STAG1: variants seen among roughly 807,000 people sequenced by gnomAD.
The protein encoded by STAG1 is STAG1 cohesin complex component, also known as cohesin subunit SA-1.
In STAG1, 26 loss-of-function variants were observed where a neutral mutation model predicts 170.9. The observed-to-expected ratio is 0.15, with a 90% CI of 0.11 to 0.21. The LOEUF (loss-of-function observed/expected upper bound fraction) is 0.21. STAG1 is among the 10% of genes least tolerant of loss of function. The pLI, the probability that STAG1 is intolerant of heterozygous loss-of-function variation, is 1.00. For missense variants in STAG1, 964 were observed against 1,509.5 expected, an observed-to-expected ratio of 0.64 and a Z score of 5.99; for synonymous variants, 514 against 497.7, an observed-to-expected ratio of 1.03 and a Z score of -0.44.
chr3:136,732,844 G>A (rs1215343511), intron 1 of STAG1, among the ~76,000 whole-genome samples: 2 of 152,046 alleles, frequency 1.3e-5, no homozygotes, highest in African/African-American at 2.4e-5. Flanking sequence ...TCCTGACCTC[G>A]TGAGCCACCC....
intron 13 of STAG1, among the ~76,000 whole-genome samples, chr3:136,464,245 G>A (rs1443968889): frequency 6.6e-6 from 1 of 151,818 alleles, no homozygotes; most frequent in African/African-American, 2.4e-5. Flanking sequence ...CCAACATGGA[G>A]AAACCCTGTC....
intron 25 of STAG1, among the ~76,000 whole-genome samples, chr3:136,364,014 C>A (rs1206920537): frequency 1.3e-5 from 2 of 152,158 alleles, no homozygotes; most frequent in African/African-American, 4.8e-5. Flanking sequence ...CCCACCTCAG[C>A]CTCCCAAAAT....
At chr3:136,559,991 T>C (rs1936776527) in intron 5 of STAG1, among the ~76,000 whole-genome samples, 1 of 152,198 alleles carries the variant, frequency 6.6e-6, no homozygotes, top group Non-Finnish European at 1.5e-5. Context: ...AGTTTGGACA[T>C]AACAACTTCC....
intron 1 of STAG1, among the ~76,000 whole-genome samples, chr3:136,633,963 A>T (rs1210543537): frequency 1.4e-4 from 5 of 35,240 alleles, no homozygotes; most frequent in African/African-American, 6.7e-4. Context: ...GTCTCTACTT[A>T]AAAAAAAAAA....
At chr3:136,356,178 C>CTT (rs1560054308) in intron 28 of STAG1, among the ~76,000 whole-genome samples, 1 of 151,944 alleles carries the variant, frequency 6.6e-6, no homozygotes, top group African/African-American at 2.4e-5. Flanking sequence ...GTCGGAACCA[C>CTT]TGAGCCTGGC....
chr3:136,572,429 C>T (rs972224440), intron 4 of STAG1, among the ~76,000 whole-genome samples: 3 of 151,264 alleles, frequency 2.0e-5, no homozygotes, highest in Non-Finnish European at 4.4e-5. Context: ...CCCGCCTCTA[C>T]CAAAAATCCA....
chr3:136,663,846 T>C (rs1415909032), intron 1 of STAG1, among the ~76,000 whole-genome samples: 2 of 151,962 alleles, frequency 1.3e-5, no homozygotes, highest in African/African-American at 2.4e-5. Context: ...GGGTGATACC[T>C]AGAAAATATA....
At chr3:136,409,885 C>T (rs1447327570) in intron 21 of STAG1, among the ~76,000 whole-genome samples, 1 of 151,956 alleles carries the variant, frequency 6.6e-6, no homozygotes, top group African/African-American at 2.4e-5. Context: ...TCCAGACCAG[C>T]CTGGGCAACA....
At chr3:136,649,872 A>G (rs1252093315) in intron 1 of STAG1, among the ~76,000 whole-genome samples, 4 of 151,926 alleles carry the variant, frequency 2.6e-5, no homozygotes, top group Admixed American at 6.6e-5. Context: ...GGTTCAAGCA[A>G]TTCTCCTGTC....
chr3:136,691,220 G>A (rs777640009), intron 1 of STAG1, among the ~76,000 whole-genome samples: 1 of 151,964 alleles, frequency 6.6e-6, no homozygotes, highest in Non-Finnish European at 1.5e-5. Context: ...CAGATCATGA[G>A]GTCAGGAGAT....
At chr3:136,510,625 T>C (rs1173042800) in intron 7 of STAG1, among the ~76,000 whole-genome samples, 2 of 150,976 alleles carry the variant, frequency 1.3e-5, no homozygotes, top group Non-Finnish European at 2.9e-5. Flanking sequence ...TTTTTTTTTT[T>C]TTTGAAGTGG....
intron 1 of STAG1, among the ~76,000 whole-genome samples, chr3:136,714,939 ATATATATATATATAT>A (rs1480979475): frequency 7.5e-5 from 4 of 53,452 alleles, no homozygotes; most frequent in African/African-American, 4.7e-4. Context: ...TATATATTAA[ATATATATATATATAT>A]ATATATATAT....
chr3:136,477,652 G>C (rs1397863653), intron 9 of STAG1, among the ~76,000 whole-genome samples: 2 of 152,024 alleles, frequency 1.3e-5, no homozygotes, highest in East Asian at 3.9e-4. Flanking sequence ...TATTTTCACT[G>C]GGCTAGACAA....
chr3:136,606,326 T>C (rs1938935969), intron 3 of STAG1, among the ~76,000 whole-genome samples: 1 of 151,882 alleles, frequency 6.6e-6, no homozygotes, highest in South Asian at 2.1e-4. Context: ...GTAGCTATGA[T>C]CATAGGCGCC....
intron 1 of STAG1, among the ~76,000 whole-genome samples, chr3:136,665,094 C>T (rs1941710955): frequency 6.6e-6 from 1 of 152,124 alleles, no homozygotes; most frequent in Admixed American, 6.6e-5. Flanking sequence ...CTATTACTGT[C>T]CCAACACTTA....
At chr3:136,498,265 CA>C (rs377430350) in intron 9 of STAG1, among the ~76,000 whole-genome samples, 19,697 of 90,676 alleles carry the variant, frequency 0.22, 2,930 homozygotes, top group Non-Finnish European at 0.26. Context: ...CACACACACA[CA>C]CACACACCAC....
At chr3:136,434,543 T>C (rs1272003110) in intron 15 of STAG1, among the ~76,000 whole-genome samples, 4 of 152,232 alleles carry the variant, frequency 2.6e-5, no homozygotes, top group Non-Finnish European at 5.9e-5. Context: ...CTGAGAACTC[T>C]TGTATGGTAG....
chr3:136,408,680 G>C (rs770626987), intron 21 of STAG1, among the ~76,000 whole-genome samples: 3 of 152,120 alleles, frequency 2.0e-5, no homozygotes, highest in Admixed American at 6.5e-5. Context: ...TATATCCTCA[G>C]GACTTGGCAC....
chr3:136,370,313 C>T (rs1047045489), intron 23 of STAG1, among the ~76,000 whole-genome samples: 9 of 151,976 alleles, frequency 5.9e-5, no homozygotes, highest in African/African-American at 1.9e-4. Flanking sequence ...ATAATTCTGA[C>T]ACTTTGTAGG....
Sources: gnomAD v4.1 joint callset for allele counts (sites outside exome capture counted in the v4.1 genomes callset) on GRCh38, gnomAD v4.1.1 for gene constraint, MANE v1.5 for transcripts, NCBI Gene and HGNC (gene_info 2026-07-23, HGNC 2026-07-21) for gene names.